The following SMIM36 variants were observed in gnomAD, a reference collection of about 807,000 sequenced individuals.
The protein encoded by SMIM36 is small integral membrane protein 36.
chr17:55,479,743 T>A (rs1051477328), intron 1 of SMIM36, among the ~76,000 whole-genome samples, 163 bp from the exon 2 acceptor site: 11 of 152,214 alleles, frequency 7.2e-5, no homozygotes, highest in African/African-American at 2.4e-4. Flanking sequence ...CAACCTTAGT[T>A]TTATTATATA....
At chr17:55,526,678 A>G in the SMIM36 span, among the ~76,000 whole-genome samples, 2 of 152,142 alleles carry the variant, frequency 1.3e-5, no homozygotes, top group African/African-American at 4.8e-5. Flanking sequence ...TTGGATGATC[A>G]TGGAGTTTTC....
At chr17:55,509,619 G>C (rs539984882) in intron 1 of SMIM36, among the ~76,000 whole-genome samples, 93 of 152,222 alleles carry the variant, frequency 6.1e-4, no homozygotes, top group Non-Finnish European at 1.1e-3. Context: ...GCTTCCTTCT[G>C]TTGGGCGGCA....
chr17:55,481,788 G>T (rs78573406), intron 1 of SMIM36, among the ~76,000 whole-genome samples: 3,995 of 152,064 alleles, frequency 0.026, 155 homozygotes, highest in African/African-American at 0.081. Context: ...CAACCTCCTG[G>T]GCTTATGTGA....
intron 1 of SMIM36, among the ~76,000 whole-genome samples, chr17:55,497,555 A>G (rs1909831321): frequency 6.6e-6 from 1 of 151,954 alleles, no homozygotes; most frequent in Non-Finnish European, 1.5e-5. Flanking sequence ...GTGAACCACT[A>G]TGCCCAGCCT....
chr17:55,454,329 G>A (rs1644214937), intron 4 of SMIM36, among the ~76,000 whole-genome samples: 1 of 152,214 alleles, frequency 6.6e-6, no homozygotes, highest in Non-Finnish European at 1.5e-5. Context: ...GCATTTTGAT[G>A]TGCATTACAA....
At chr17:55,493,813 A>C (rs1366851570) in intron 1 of SMIM36, among the ~76,000 whole-genome samples, 3 of 118,820 alleles carry the variant, frequency 2.5e-5, no homozygotes, top group East Asian at 5.1e-4. Context: ...TCTCTCAAAA[A>C]AAAAAAAAAA....
chr17:55,501,915 G>A (rs1046253891), intron 1 of SMIM36, among the ~76,000 whole-genome samples: 2 of 145,644 alleles, frequency 1.4e-5, no homozygotes, highest in African/African-American at 5.1e-5. Context: ...CACCTGGGAA[G>A]CGCAAGGGGT....
At chr17:55,528,339 T>G in the SMIM36 span, among the ~76,000 whole-genome samples, 1 of 152,090 alleles carries the variant, frequency 6.6e-6, no homozygotes, top group Non-Finnish European at 1.5e-5. Context: ...GGAAGTTCTT[T>G]TTTTTCAATT....
chr17:55,511,897 CATT>C (rs1272244423), upstream of SMIM36, among the ~76,000 whole-genome samples: 2 of 152,184 alleles, frequency 1.3e-5, no homozygotes, highest in East Asian at 3.8e-4. Flanking sequence ...CCATGTTTCT[CATT>C]AGTTAATTCA....
At chr17:55,498,076 C>A (rs1373299926) in intron 1 of SMIM36, among the ~76,000 whole-genome samples, 1 of 152,176 alleles carries the variant, frequency 6.6e-6, no homozygotes, top group East Asian at 1.9e-4. Flanking sequence ...GTATTCCAAG[C>A]CTCTCTTCTA....
At chr17:55,489,133 G>A (rs940978342) in intron 1 of SMIM36, among the ~76,000 whole-genome samples, 1 of 152,124 alleles carries the variant, frequency 6.6e-6, no homozygotes, top group Non-Finnish European at 1.5e-5. Flanking sequence ...ATCCCAGCAC[G>A]TTGGGAGTCC....
intron 1 of SMIM36, among the ~76,000 whole-genome samples, chr17:55,508,291 G>T (rs1310942018): frequency 6.6e-6 from 1 of 151,450 alleles, no homozygotes. Flanking sequence ...CTACCTCTAA[G>T]AGTGCAAAAC....
chr17:55,482,342 A>G (rs8070676), intron 1 of SMIM36, among the ~76,000 whole-genome samples: 111,706 of 151,968 alleles, frequency 0.74, 41,728 homozygotes, highest in Middle Eastern at 0.82. Flanking sequence ...CTATCTCATG[A>G]GTCCAAATCT....
At chr17:55,459,984 CCT>C (rs1227869836) in intron 4 of SMIM36, among the ~76,000 whole-genome samples, 2 of 151,840 alleles carry the variant, frequency 1.3e-5, no homozygotes, top group African/African-American at 4.8e-5. Flanking sequence ...AGAGTGAGAC[CCT>C]GTTTCTCAAA....
intron 1 of SMIM36, among the ~76,000 whole-genome samples, chr17:55,502,028 C>T (rs566980399): frequency 4.3e-4 from 66 of 151,892 alleles, no homozygotes; most frequent in East Asian, 1.8e-3. Context: ...GCTTAAAAAA[C>T]GGCGCACCAC....
chr17:55,508,136 G>GT (rs1910111527), intron 1 of SMIM36, among the ~76,000 whole-genome samples: 1 of 151,830 alleles, frequency 6.6e-6, no homozygotes, highest in African/African-American at 2.4e-5. Context: ...GCTTTGCCTT[G>GT]TAACAAACAC....
chr17:55,453,415 C>CT lies in SMIM36; in HGVS notation c.*532-3118dup, dbSNP rs1205802478. ...CTGCCTTCCTTTCACGTTTAAAGGC[C>CT]TGCAAACCATATAAATCATCCCATA... On this transcript the variant is annotated intron_variant, in intron 4 of 4. Coordinates refer to ENST00000636752, the Ensembl canonical transcript of SMIM36. Among the ~76,000 whole-genome samples, 6 of 152,166 alleles carry CT rather than the reference C, an allele frequency of 3.9e-5. No individual in the cohort carries two copies. In the East Asian group the frequency reaches 1.2e-3, roughly 29 times the overall value.
At chr17:55,530,079 G>A in the SMIM36 span, among the ~76,000 whole-genome samples, 1 of 152,176 alleles carries the variant, frequency 6.6e-6, no homozygotes, top group African/African-American at 2.4e-5. Flanking sequence ...CGAGGAAAGA[G>A]AAATAAAAGA....
chr17:55,493,735 G>C (rs956663049), intron 1 of SMIM36, among the ~76,000 whole-genome samples: 1 of 149,094 alleles, frequency 6.7e-6, no homozygotes, highest in African/African-American at 2.5e-5. Context: ...CCTTGAGCCT[G>C]GGAAGTCAAG....
Sources: allele counts gnomAD v4.1 joint callset (sites outside exome capture counted in the v4.1 genomes callset), GRCh38; gene constraint gnomAD v4.1.1; transcripts MANE v1.5; gene names NCBI Gene and HGNC (gene_info 2026-07-23, HGNC 2026-07-21).